Variants in ASTN2 observed in about 807,000 individuals in gnomAD.
The protein encoded by ASTN2 is astrotactin 2, also known as astrotactin-2.
ASTN2 carries 54 observed loss-of-function variants against 139.8 expected under a neutral mutation model. The observed-to-expected ratio is 0.39, with a 90% CI of 0.31 to 0.48. The LOEUF (loss-of-function observed/expected upper bound fraction) is 0.48, where lower values mean the gene tolerates loss of function less well. Among genes scored for constraint, ASTN2 ranks in the 20% least tolerant of loss-of-function variants. ASTN2 has a pLI of 0.95. For synonymous variants in ASTN2, 756 were observed against 719.5 expected, an observed-to-expected ratio of 1.05 and a Z score of -0.81; for missense variants, 1,565 against 1,725.1, an observed-to-expected ratio of 0.91 and a Z score of 1.64.
At chr9:117,316,407 G>A (rs1828145618) in intron 1 of ASTN2, among the ~76,000 whole-genome samples, 1 of 152,054 alleles carries the variant, frequency 6.6e-6, no homozygotes, top group South Asian at 2.1e-4. Context: ...GGGAGGGAGA[G>A]ATAAAGAATT....
chr9:117,407,099 G>A (rs1388123730), intron 1 of ASTN2, among the ~76,000 whole-genome samples: 1 of 152,108 alleles, frequency 6.6e-6, no homozygotes, highest in Non-Finnish European at 1.5e-5. Flanking sequence ...GGTCAGAAAA[G>A]GCTTCAAAAA....
At chr9:117,304,052 C>A (rs1834941043) in intron 1 of ASTN2, among the ~76,000 whole-genome samples, 1 of 152,188 alleles carries the variant, frequency 6.6e-6, no homozygotes, top group Non-Finnish European at 1.5e-5. Context: ...GAGAAGCCAA[C>A]CTGGGTCATC....
chr9:116,984,838 T>C (rs945205062), intron 7 of ASTN2, among the ~76,000 whole-genome samples: 1 of 152,194 alleles, frequency 6.6e-6, no homozygotes, highest in African/African-American at 2.4e-5. Flanking sequence ...CTCCCACTTT[T>C]CCAAATCTTG....
At chr9:116,765,663 ATACTG>A (rs1433737724) in intron 13 of ASTN2, among the ~76,000 whole-genome samples, 2 of 152,170 alleles carry the variant, frequency 1.3e-5, no homozygotes, top group African/African-American at 4.8e-5. Flanking sequence ...AGGTAATAGA[ATACTG>A]TACAGGCATT....
intron 6 of ASTN2, among the ~76,000 whole-genome samples, chr9:117,033,907 G>A (rs947902431): frequency 6.6e-6 from 1 of 152,146 alleles, no homozygotes; most frequent in South Asian, 2.1e-4. Flanking sequence ...CTACTCAATA[G>A]ATAACAGACA....
chr9:116,603,886 C>T (rs143222071), intron 19 of ASTN2, among the ~76,000 whole-genome samples: 1,874 of 152,224 alleles, frequency 0.012, 22 homozygotes, highest in Non-Finnish European at 0.016. Context: ...GAGTGATCTC[C>T]AGGCGAGGGG....
chr9:116,649,322 C>T (rs1038291366), intron 17 of ASTN2, among the ~76,000 whole-genome samples: 4 of 152,022 alleles, frequency 2.6e-5, no homozygotes, highest in Admixed American at 6.6e-5. Flanking sequence ...CCTGTAATCC[C>T]AGCACTTTGG....
At chr9:116,903,503 AC>A (rs1834074051) in intron 10 of ASTN2, among the ~76,000 whole-genome samples, 2 of 152,148 alleles carry the variant, frequency 1.3e-5, no homozygotes, top group Admixed American at 6.5e-5. Context: ...AATGGAAATG[AC>A]CCAGGACTTT....
chr9:117,034,617 C>T (rs1838332316), intron 6 of ASTN2, among the ~76,000 whole-genome samples: 1 of 152,024 alleles, frequency 6.6e-6, no homozygotes, highest in Admixed American at 6.6e-5. Context: ...GATAAGTGAC[C>T]ACCTAGAGAG....
At chr9:116,761,519 A>T (rs1174859948) in intron 13 of ASTN2, among the ~76,000 whole-genome samples, 6 of 152,156 alleles carry the variant, frequency 3.9e-5, no homozygotes, top group Non-Finnish European at 7.3e-5. Flanking sequence ...TCAAGAATGA[A>T]TCAGAGTATT....
intron 12 of ASTN2, among the ~76,000 whole-genome samples, chr9:116,812,338 A>G (rs1056559569): frequency 6.6e-6 from 1 of 152,186 alleles, no homozygotes; most frequent in Admixed American, 6.5e-5. Context: ...GGTGATCTCA[A>G]TGTCATCACA....
chr9:117,404,637 G>A (rs773818127), intron 1 of ASTN2, among the ~76,000 whole-genome samples: 9 of 152,132 alleles, frequency 5.9e-5, no homozygotes, highest in Non-Finnish European at 1.2e-4. Flanking sequence ...AGTACTGAGT[G>A]GAAAAATTTG....
chr9:116,780,804 T>C (rs114684033), intron 13 of ASTN2, among the ~76,000 whole-genome samples: 389 of 152,178 alleles, frequency 2.6e-3, no homozygotes, highest in African/African-American at 9.0e-3. Context: ...GATAAATTAA[T>C]ATACATGAAT....
At chr9:117,325,756 G>A (rs933176489) in intron 1 of ASTN2, among the ~76,000 whole-genome samples, 4 of 152,148 alleles carry the variant, frequency 2.6e-5, no homozygotes, top group African/African-American at 7.2e-5. Flanking sequence ...TGTTAGAGAT[G>A]GAGAGGCTGG....
intron 19 of ASTN2, among the ~76,000 whole-genome samples, chr9:116,554,357 TG>T (rs1385968854): frequency 6.6e-6 from 1 of 152,226 alleles, no homozygotes; most frequent in Non-Finnish European, 1.5e-5. Context: ...CTTTGGGATC[TG>T]GTGTCAAGAG....
rs1243745006 is a variant in ASTN2, at chr9:116,487,472, T to A, written c.3384A>T (p.Leu1128Phe). The A allele has an allele frequency of 1.9e-6, 3 of 1,613,520 alleles. No individual in the cohort carries two copies. The highest frequency in any genetic ancestry group is 2.5e-6 in the Non-Finnish European group (3 of 1,179,864). Residue 1128 changes from leucine (L) to phenylalanine (F), a missense_variant, in exon 20 of 23, where the codon TTA (leucine) becomes TTT (phenylalanine). Around this residue, in one of 4 missense-constraint regions of ASTN2, gnomAD observed 418 missense variants for 465.8 expected, o/e 0.90. Coordinates refer to ENST00000313400, the MANE Select transcript of ASTN2 (RefSeq NM_001365068.1). ...CACAAGATGTGCCCAGGCCAGAGAG[T>A]AAGTCATCAGCAAAACTCAGGAATT... is the stretch of plus-strand genomic sequence containing the variant. ...TGEFLSFADD[L>F]LSGLGTSCVA...
chr9:116,688,533 TG>T (rs1860391963), intron 16 of ASTN2, among the ~76,000 whole-genome samples: 1 of 151,944 alleles, frequency 6.6e-6, no homozygotes, highest in Admixed American at 6.6e-5. Flanking sequence ...CCTGAAGGAG[TG>T]TGGTAATCCC....
At chr9:116,847,827 T>A (rs1248056500) in intron 11 of ASTN2, among the ~76,000 whole-genome samples, 1 of 152,232 alleles carries the variant, frequency 6.6e-6, no homozygotes, top group Non-Finnish European at 1.5e-5. Context: ...CTGTTATATT[T>A]TTCTAGCCTC....
At chr9:116,946,475 T>C (rs1322580676) in intron 10 of ASTN2, among the ~76,000 whole-genome samples, 1 of 152,160 alleles carries the variant, frequency 6.6e-6, no homozygotes, top group Non-Finnish European at 1.5e-5. Context: ...TAACGATTAT[T>C]GGTTTTCTGT....
Sources: allele counts gnomAD v4.1 joint callset (sites outside exome capture counted in the v4.1 genomes callset), GRCh38; gene constraint gnomAD v4.1.1; regional missense constraint gnomAD v4.1.1; transcripts MANE v1.5; gene names NCBI Gene and HGNC (gene_info 2026-07-23, HGNC 2026-07-21).